SIMC1: variants seen among roughly 807,000 people sequenced by gnomAD.
The protein encoded by SIMC1 is SUMO interacting motifs containing 1.
Under a neutral mutation model 82.3 loss-of-function variants are expected in SIMC1, and 55 were observed. That is an observed-to-expected ratio of 0.67 (90% CI 0.54 to 0.84). SIMC1 has a LOEUF of 0.84. Among genes scored for constraint, SIMC1 ranks in the 40% least tolerant of loss-of-function variants. The pLI, the probability that SIMC1 is intolerant of heterozygous loss-of-function variation, is 0.00. For synonymous variants in SIMC1, 353 were observed against 426.3 expected, an observed-to-expected ratio of 0.83 and a Z score of 2.12; for missense variants, 915 against 1,107.2, an observed-to-expected ratio of 0.83 and a Z score of 2.46.
At chr5:176,333,560 G>T (rs1313886092) in intron 7 of SIMC1, among the ~76,000 whole-genome samples, 1 of 151,804 alleles carries the variant, frequency 6.6e-6, no homozygotes, top group Non-Finnish European at 1.5e-5. Context: ...CTCCCAAGTA[G>T]CTGAGATGAC....
intron 1 of SIMC1, among the ~76,000 whole-genome samples, chr5:176,246,488 C>A (rs1761451644): frequency 6.6e-6 from 1 of 151,016 alleles, no homozygotes; most frequent in Non-Finnish European, 1.5e-5. Context: ...CTCACTCTGC[C>A]ACCCAGGCAA....
intron 1 of SIMC1, among the ~76,000 whole-genome samples, chr5:176,279,032 C>T (rs1762853424): frequency 6.6e-6 from 1 of 152,178 alleles, no homozygotes; most frequent in South Asian, 2.1e-4. Flanking sequence ...GTGGTACCAG[C>T]TCCTCCTTAT....
At chr5:176,307,217 GT>G (rs1349009909) in intron 4 of SIMC1, among the ~76,000 whole-genome samples, 4 of 152,162 alleles carry the variant, frequency 2.6e-5, no homozygotes, top group African/African-American at 7.2e-5. Context: ...TTGTAAAGTG[GT>G]GCAACTGCTA....
chr5:176,331,524 AG>A (rs1325957139), intron 7 of SIMC1, among the ~76,000 whole-genome samples: 4 of 151,304 alleles, frequency 2.6e-5, no homozygotes, highest in African/African-American at 9.7e-5. Flanking sequence ...CATGTTGGCC[AG>A]GCTGGTCTCG....
chr5:176,254,105 A>T (rs1761776487), intron 1 of SIMC1, among the ~76,000 whole-genome samples: 1 of 152,194 alleles, frequency 6.6e-6, no homozygotes, highest in Non-Finnish European at 1.5e-5. Flanking sequence ...GTCATCTAGG[A>T]TCCCATGACT....
At chr5:176,340,864 A>G (rs1766108344) in intron 9 of SIMC1, among the ~76,000 whole-genome samples, 1 of 152,188 alleles carries the variant, frequency 6.6e-6, no homozygotes, top group Admixed American at 6.5e-5. Context: ...GACATTAAGT[A>G]GGCGGGGCGC....
At chr5:176,288,738 A>G (rs1468400905) in intron 1 of SIMC1, among the ~76,000 whole-genome samples, 1 of 152,202 alleles carries the variant, frequency 6.6e-6, no homozygotes, top group Non-Finnish European at 1.5e-5. Context: ...GAGAAATAGC[A>G]TGGTAGCTGT....
chr5:176,336,093 G>A (rs1035893830), intron 7 of SIMC1, among the ~76,000 whole-genome samples: 4 of 151,222 alleles, frequency 2.6e-5, no homozygotes, highest in South Asian at 2.1e-4. Flanking sequence ...AGGCAGGGAG[G>A]GGGAGAGAGA....
chr5:176,291,283 C>T (rs1763553010), intron 2 of SIMC1, among the ~76,000 whole-genome samples: 1 of 150,742 alleles, frequency 6.6e-6, no homozygotes, highest in African/African-American at 2.4e-5. Flanking sequence ...TCTACCTCAG[C>T]CTCCCTAGCA....
chr5:176,327,029 G>T (rs762003660), intron 7 of SIMC1, among the ~76,000 whole-genome samples: 3 of 152,206 alleles, frequency 2.0e-5, no homozygotes, highest in Non-Finnish European at 4.4e-5. Flanking sequence ...TCAGACAGAA[G>T]AAAGTGCACA....
chr5:176,317,393 C>G (rs1201276404), intron 5 of SIMC1, among the ~76,000 whole-genome samples: 4 of 152,172 alleles, frequency 2.6e-5, no homozygotes, highest in Admixed American at 2.0e-4. Context: ...GTTCCCTCAC[C>G]TGCATTCCTG....
intron 4 of SIMC1, among the ~76,000 whole-genome samples, chr5:176,312,581 T>G (rs560650025): frequency 1.6e-4 from 25 of 152,078 alleles, no homozygotes; most frequent in African/African-American, 5.8e-4. Flanking sequence ...GTACATGATT[T>G]TTTAAAAAAG....
chr5:176,277,661 A>G (rs557077080), intron 1 of SIMC1, among the ~76,000 whole-genome samples: 111 of 152,178 alleles, frequency 7.3e-4, no homozygotes, highest in Non-Finnish European at 9.3e-4. Context: ...TCAGCTTTCT[A>G]CATATGGCTA....
intron 7 of SIMC1, among the ~76,000 whole-genome samples, chr5:176,334,534 C>G (rs75823125): frequency 6.6e-6 from 1 of 152,170 alleles, no homozygotes. Context: ...TGCAACCCCC[C>G]AGTAGCTGTT....
intron 1 of SIMC1, among the ~76,000 whole-genome samples, chr5:176,241,460 C>T (rs1442915508): frequency 1.4e-5 from 2 of 139,420 alleles, no homozygotes; most frequent in Non-Finnish European, 3.1e-5. Flanking sequence ...TCTAAGAACC[C>T]AGTGAAAAAT....
intron 5 of SIMC1, among the ~76,000 whole-genome samples, chr5:176,320,285 G>A (rs576936971): frequency 6.6e-6 from 1 of 152,246 alleles, no homozygotes; most frequent in African/African-American, 2.4e-5. Flanking sequence ...GATTGGGGAA[G>A]TTCTAGAGGT....
intron 4 of SIMC1, among the ~76,000 whole-genome samples, chr5:176,302,779 A>G (rs1383837441): frequency 2.0e-5 from 3 of 152,212 alleles, no homozygotes; most frequent in Admixed American, 6.5e-5. Context: ...AAAATCTGAA[A>G]AGGAAATAAC....
At chr5:176,326,889 G>A (rs1455577601) in intron 7 of SIMC1, among the ~76,000 whole-genome samples, 2 of 152,158 alleles carry the variant, frequency 1.3e-5, no homozygotes, top group African/African-American at 4.8e-5. Flanking sequence ...TAATGAATAA[G>A]AAAAGCATTC....
At position 176,240,807 on chromosome 5, in the gene SIMC1, C is replaced by G; in HGVS notation, c.129+2170C>G. ...AGTTTTGGAAAGTTCTGTCAACTCT[C>G]AGCTTTTGAGCCTGAGAACATTAAT... On this transcript the variant is annotated intron_variant, in intron 1 of 9. Transcript: ENST00000429602. Among the ~76,000 whole-genome samples the G allele has an allele frequency of 2.2e-5, 2 of 91,674 alleles. 1 individual carries two copies. The highest frequency in any genetic ancestry group is 4.8e-5 in the Non-Finnish European group (2 of 41,380). The allele number at this position is 91,674 out of a possible 152,430, so 60.1% of individuals were successfully genotyped here.
Sources: gnomAD v4.1 joint callset for allele counts (sites outside exome capture counted in the v4.1 genomes callset) on GRCh38, gnomAD v4.1.1 for gene constraint, MANE v1.5 for transcripts, NCBI Gene and HGNC (gene_info 2026-07-23, HGNC 2026-07-21) for gene names.